CTTNBP2: variants seen among roughly 807,000 people sequenced by gnomAD.
CTTNBP2 encodes the protein cortactin-binding protein 2.
In CTTNBP2, 108 loss-of-function variants were observed where a neutral mutation model predicts 156.9. The ratio of observed to expected loss-of-function variants is 0.69; its 90% CI spans 0.59 to 0.81. CTTNBP2 has a LOEUF of 0.81. Among genes scored for constraint, CTTNBP2 ranks in the 30% least tolerant of loss-of-function variants. CTTNBP2 has a pLI of 0.00. For missense variants in CTTNBP2, 1,924 were observed against 2,035.4 expected (o/e 0.95, Z 1.05); for synonymous variants, 767 against 751.8 (o/e 1.02, Z -0.33).
chr7:117,752,414 C>A (rs1796661268), intron 12 of CTTNBP2, among the ~76,000 whole-genome samples: 1 of 152,020 alleles, frequency 6.6e-6, no homozygotes, highest in Admixed American at 6.6e-5. Flanking sequence ...TAAGTTAATG[C>A]AAAAAATTCA....
chr7:117,790,598 TAAA>T (rs397968884), intron 4 of CTTNBP2, among the ~76,000 whole-genome samples: 2 of 136,298 alleles, frequency 1.5e-5, no homozygotes, highest in Admixed American at 7.5e-5. Flanking sequence ...TTTCTGAAGG[TAAA>T]AAAAAAAAAA....
At chr7:117,832,616 A>AT (rs1801679485) in intron 2 of CTTNBP2, among the ~76,000 whole-genome samples, 1 of 150,442 alleles carries the variant, frequency 6.6e-6, no homozygotes, top group African/African-American at 2.5e-5. Flanking sequence ...TTTTTTCTGT[A>AT]TTCTTGATGC....
rs535431226 is a variant in CTTNBP2, at chr7:117,827,700, G to A, written c.190-16711C>T. Among the ~76,000 whole-genome samples, 44 of 152,280 alleles carry A rather than the reference G, an allele frequency of 2.9e-4. No individual in the cohort carries two copies. In the South Asian group the frequency reaches 8.5e-3, roughly 29 times the overall value. ...AAATGGGGAAACAGTAGTGGCTGTGGAAACAAGAGTTAACAGAAGCATTCC... is the reference window on the plus strand; with the variant it reads ...AAATGGGGAAACAGTAGTGGCTGTGAAAACAAGAGTTAACAGAAGCATTCC... On this transcript the variant is annotated intron_variant, in intron 2 of 22. Coordinates refer to ENST00000160373, the MANE Select transcript of CTTNBP2 (RefSeq NM_033427.3).
intron 14 of CTTNBP2, among the ~76,000 whole-genome samples, chr7:117,736,511 G>A (rs1795716246): frequency 6.6e-6 from 1 of 152,110 alleles, no homozygotes; most frequent in African/African-American, 2.4e-5. Context: ...AGATCTCAGA[G>A]AGGCTGAAGT....
rs1223299431 is a variant in CTTNBP2 at position 117,868,073 on chromosome 7, G to GA, written c.81+5261dup. Among the ~76,000 whole-genome samples, 3 of 151,966 alleles carry GA rather than the reference G, an allele frequency of 2.0e-5. No individual in the cohort carries two copies. The East Asian group carries it at 5.8e-4, about 29-fold the overall frequency. On this transcript the variant is annotated intron_variant, in intron 1 of 22. Transcript: ENST00000160373. ...CCGCAGTCTCTATTTCCTCCTTAGG[G>GA]AAAAAAAGGACTACATCTCAAATAA... is the stretch of plus-strand genomic sequence containing the variant.
chr7:117,847,876 T>C (rs896733449), intron 2 of CTTNBP2, among the ~76,000 whole-genome samples: 1 of 134,822 alleles, frequency 7.4e-6, no homozygotes, highest in South Asian at 2.4e-4. Flanking sequence ...CGGAGGGCAG[T>C]GGTGTAATCT....
intron 14 of CTTNBP2, among the ~76,000 whole-genome samples, chr7:117,741,896 T>C (rs1796040561): frequency 6.6e-6 from 1 of 152,224 alleles, no homozygotes; most frequent in South Asian, 2.1e-4. Context: ...ATCAGAAAAT[T>C]CACCAATTTA....
At chr7:117,777,788 G>A (rs771844670) in intron 7 of CTTNBP2, 23 bp from the exon 8 acceptor site, 1 of 1,596,134 alleles carries the variant, frequency 6.3e-7, no homozygotes, top group East Asian at 2.2e-5. Flanking sequence ...TGACCAGGGG[G>A]AAAGGGTTGA....
chr7:117,718,113 C>A lies in CTTNBP2; in HGVS notation c.4651G>T (p.Asp1551Tyr). 1.2e-6 allele frequency: 2 copies of A among 1,608,738 alleles called. No individual in the cohort carries two copies. The highest frequency in any genetic ancestry group is 1.1e-5 in the South Asian group (1 of 90,702). ...KSESDISKIA[D>Y]SRDDLRMFDS... ...AACATCCTTAAATCATCCCTGGAAT[C>A]AGCAATCTAGAAAATACAGAATTTG... Residue 1551 changes from aspartate (D) to tyrosine (Y), a missense_variant, in exon 22 of 23, where the codon GAT (aspartate) becomes TAT (tyrosine). Physicochemically the swap from Asp to Tyr is radical, Grantham distance 160. Coordinates refer to ENST00000160373, the MANE Select transcript of CTTNBP2 (RefSeq NM_033427.3).
intron 3 of CTTNBP2, among the ~76,000 whole-genome samples, chr7:117,802,058 TC>T (rs1246860755): frequency 4.1e-5 from 2 of 48,384 alleles, no homozygotes; most frequent in African/African-American, 1.7e-4. Flanking sequence ...CCCTCCCCCC[TC>T]CCCCCACCCC....
At chr7:117,829,985 C>G (rs1008683971) in intron 2 of CTTNBP2, among the ~76,000 whole-genome samples, 2 of 152,154 alleles carry the variant, frequency 1.3e-5, no homozygotes, top group Non-Finnish European at 2.9e-5. Flanking sequence ...ATAACATGTA[C>G]TTGAGAATTA....
At chr7:117,764,891 C>T (rs1797395032) in intron 9 of CTTNBP2, among the ~76,000 whole-genome samples, 1 of 152,124 alleles carries the variant, frequency 6.6e-6, no homozygotes, top group South Asian at 2.1e-4. Context: ...AATAATTGTG[C>T]ATCTTTGTTC....
In CTTNBP2 at chr7:117,791,676, G is replaced by A. The variant is rs748410342; in HGVS notation, c.1520C>T (p.Pro507Leu). 9 of 1,614,064 alleles carry A rather than the reference G, an allele frequency of 5.6e-6. No homozygotes were observed. The Admixed American group carries it at 8.3e-5, about 15-fold the overall frequency. Residue 507 changes from proline to leucine, a missense_variant, in exon 4 of 23, where the codon CCC (proline) becomes CTC (leucine). Pro to Leu is a moderately conservative substitution (Grantham distance 98, BLOSUM62 -3). Transcript: ENST00000160373. Reference sequence around the variant, plus strand: ...TGTTGGGGGCACTCCAGGCCTTGAGGGAGCACCTGCTTGAGGGCTTGTAAA... The same window carrying A: ...TGTTGGGGGCACTCCAGGCCTTGAGAGAGCACCTGCTTGAGGGCTTGTAAA... ...SRFTSPQAGA[P>L]SRPGVPPTGD...
Position 117,791,370 on chromosome 7 carries a change from G to C in CTTNBP2, c.1826C>G (p.Pro609Arg), listed in dbSNP as rs763605911. 1 of 1,614,166 alleles carries C rather than the reference G, an allele frequency of 6.2e-7. No individual in the cohort carries two copies. Among genetic ancestry groups the C allele is most frequent in the Non-Finnish European group, 8.5e-7 (1 of 1,180,012 alleles). Reference sequence around the variant, plus strand: ...TATGGATGGTTTTGGTGGCAGCTGAGGGGAGGATGACTTAGGAAGGTTCTC... The same window carrying C: ...TATGGATGGTTTTGGTGGCAGCTGACGGGAGGATGACTTAGGAAGGTTCTC... ...NEENLPKSSS[P>R]QLPPKPSIDL... is the part of the protein sequence containing the mutation. The change falls in exon 4 of 23, where the codon CCT becomes CGT. Residue 609 changes from proline to arginine, a missense_variant. Physicochemically the swap from Pro to Arg is moderately radical, Grantham distance 103. Coordinates refer to ENST00000160373, the MANE Select transcript of CTTNBP2 (RefSeq NM_033427.3).
In CTTNBP2 at chr7:117,791,698, T is replaced by A; in HGVS notation, c.1498A>T (p.Thr500Ser). The change falls in exon 4 of 23, where the codon ACA becomes TCA. Residue 500 changes from threonine to serine, a missense_variant. Coordinates refer to ENST00000160373, the MANE Select transcript of CTTNBP2 (RefSeq NM_033427.3). Reference protein sequence around the residue: ...NTVTQALSRFTSPQAGAPSRP... With the variant: ...NTVTQALSRFSSPQAGAPSRP... The stretch of plus-strand genomic sequence containing the variant: ...GAGGGAGCACCTGCTTGAGGGCTTG[T>A]AAATCTTGACAGTGCTTGGGTCACA... The A allele has an allele frequency of 6.2e-7, 1 of 1,614,188 alleles. No homozygotes were observed. The highest frequency in any genetic ancestry group is 1.1e-5 in the South Asian group (1 of 91,084).
chr7:117,775,350 T>C (rs939086284), intron 8 of CTTNBP2, among the ~76,000 whole-genome samples: 4 of 152,042 alleles, frequency 2.6e-5, no homozygotes, highest in Non-Finnish European at 5.9e-5. Flanking sequence ...CCTTGGACAA[T>C]ATGCCAGAGG....
At chr7:117,722,475 G>T (rs1392923189) in intron 19 of CTTNBP2, among the ~76,000 whole-genome samples, 1 of 152,020 alleles carries the variant, frequency 6.6e-6, no homozygotes, top group East Asian at 1.9e-4. Context: ...TTCTGTCAAA[G>T]AAGTTCATGC....
intron 12 of CTTNBP2, among the ~76,000 whole-genome samples, chr7:117,748,864 T>C (rs572683383): frequency 6.6e-6 from 1 of 152,320 alleles, no homozygotes; most frequent in Admixed American, 6.5e-5. Context: ...GTATTAGAAG[T>C]TGGGGTTGTT....
chr7:117,839,945 CTG>C (rs1429386639), intron 2 of CTTNBP2, among the ~76,000 whole-genome samples: 5 of 152,122 alleles, frequency 3.3e-5, no homozygotes. Flanking sequence ...TATCTAAAGA[CTG>C]AAATTATTTT....
Sources: allele counts gnomAD v4.1 joint callset (sites outside exome capture counted in the v4.1 genomes callset), GRCh38; gene constraint gnomAD v4.1.1; transcripts MANE v1.5; gene names NCBI Gene and HGNC (gene_info 2026-07-23, HGNC 2026-07-21).